MBD2: variants seen among roughly 807,000 people sequenced by gnomAD.
MBD2 encodes the protein methyl-CpG binding domain protein 2.
A neutral mutation model predicts 39.3 loss-of-function variants in MBD2; 9 were observed. That is an observed-to-expected ratio of 0.23 (90% CI 0.14 to 0.40). The LOEUF is 0.40. Among genes scored for constraint, MBD2 ranks in the 10% least tolerant of loss-of-function variants. The pLI, the probability that MBD2 is intolerant of heterozygous loss-of-function variation, is 1.00. For missense variants in MBD2, 458 were observed against 532.6 expected, an observed-to-expected ratio of 0.86 and a Z score of 1.38; for synonymous variants, 233 against 211.1, an observed-to-expected ratio of 1.10 and a Z score of -0.90.
chr18:54,181,545 G>C (rs2086251954), intron 3 of MBD2, among the ~76,000 whole-genome samples: 1 of 151,758 alleles, frequency 6.6e-6, no homozygotes, highest in African/African-American at 2.4e-5. Context: ...TGTCGCCCAG[G>C]CTGGAGTGCA....
At chr18:54,217,331 T>C (rs2086570098) in intron 1 of MBD2, among the ~76,000 whole-genome samples, 1 of 152,244 alleles carries the variant, frequency 6.6e-6, no homozygotes, top group African/African-American at 2.4e-5. Flanking sequence ...TTATTCAAAC[T>C]TCATTATATT....
intron 3 of MBD2, among the ~76,000 whole-genome samples, chr18:54,186,031 G>C (rs1419898596): frequency 1.3e-5 from 2 of 151,982 alleles, no homozygotes. Flanking sequence ...CCTGGGCATA[G>C]GATGTTGGTT....
At chr18:54,216,431 A>G (rs1201452558) in intron 1 of MBD2, among the ~76,000 whole-genome samples, 3 of 152,232 alleles carry the variant, frequency 2.0e-5, no homozygotes, top group Non-Finnish European at 4.4e-5. Context: ...GATTTATGAA[A>G]AACGTTCCAT....
chr18:54,222,307 G>T (rs771085771), intron 1 of MBD2: 2 of 493,532 alleles, frequency 4.1e-6, no homozygotes, highest in South Asian at 3.0e-5. Context: ...AATGACAGCT[G>T]CCACTGGCAC....
intron 2 of MBD2, among the ~76,000 whole-genome samples, chr18:54,197,276 C>T (rs1429669859): frequency 6.6e-6 from 1 of 152,190 alleles, no homozygotes; most frequent in Non-Finnish European, 1.5e-5. Flanking sequence ...CGTATTTCCC[C>T]CTATGTAAAA....
rs2144363120 is a variant in MBD2, at chr18:54,224,252, C to T, written c.308G>A (p.Gly103Asp). ...GRGRPPSGGSGLGGDGGGCGG... is the reference protein window; with the variant it reads ...GRGRPPSGGSDLGGDGGGCGG... Reference sequence around the variant, plus strand: ...GCAGCCGCCGCCGTCGCCGCCAAGGCCGCTGCCGCCACTCGGGGGACGGCC... The same window carrying T: ...GCAGCCGCCGCCGTCGCCGCCAAGGTCGCTGCCGCCACTCGGGGGACGGCC... Residue 103 changes from glycine to aspartate, a missense_variant, in exon 1 of 7, where the codon GGC becomes GAC. Gly to Asp is a moderately conservative substitution (Grantham distance 94). Transcript: ENST00000256429. 1.0e-6 allele frequency: 1 copy of T among 975,334 alleles called. No individual in the cohort carries two copies. The highest frequency in any genetic ancestry group is 1.1e-4 in the East Asian group (1 of 8,842). 60.4% of individuals were successfully genotyped at this position (975,334 alleles called of 1,614,324 possible).
At chr18:54,179,637 G>T (rs1196380204) in intron 3 of MBD2, among the ~76,000 whole-genome samples, 1 of 152,072 alleles carries the variant, frequency 6.6e-6, no homozygotes, top group African/African-American at 2.4e-5. Context: ...AACATTATTT[G>T]ATCACTTAAC....
chr18:54,195,920 A>G (rs1044294172), intron 2 of MBD2, among the ~76,000 whole-genome samples: 4 of 152,214 alleles, frequency 2.6e-5, no homozygotes, highest in Non-Finnish European at 4.4e-5. Flanking sequence ...TGATACCTTT[A>G]GGTCAAATCA....
chr18:54,180,897 C>CTTTTTTTTTTTTTTTTTTTTTTTTTTTTT (rs1211071727), intron 3 of MBD2, among the ~76,000 whole-genome samples: 12 of 105,350 alleles, frequency 1.1e-4, no homozygotes, highest in African/African-American at 3.5e-4. Flanking sequence ...TTAATTTTTT[C>CTTTTTTTTTTTTTTTTTTTTTTTTTTTTT]TTTTTCTTTT....
chr18:54,217,889 T>A (rs753449545), intron 1 of MBD2, among the ~76,000 whole-genome samples: 2 of 152,172 alleles, frequency 1.3e-5, no homozygotes, highest in Non-Finnish European at 2.9e-5. Context: ...CAGACAGCAA[T>A]GCTGCACCCT....
At position 54,224,478 on chromosome 18, in the gene MBD2, C is replaced by G. The variant is rs1374674020; in HGVS notation, c.82G>C (p.Gly28Arg). The G allele has an allele frequency of 1.6e-6, 2 of 1,232,256 alleles. No individual in the cohort carries two copies. Among genetic ancestry groups the G allele is most frequent in the East Asian group, 3.2e-5 (1 of 31,280 alleles). 76.3% of individuals were successfully genotyped at this position (1,232,256 alleles called of 1,614,324 possible). A position where few individuals can be genotyped will look rare whatever the true frequency, so the allele number is the denominator to read the frequency against. Residue 28 changes from glycine to arginine, a missense_variant, in exon 1 of 7, where the codon GGC becomes CGC. Physicochemically the swap from Gly to Arg is moderately radical, Grantham distance 125. This residue lies in a region of MBD2 where 269 missense variants were observed against 236.0 expected (regional missense o/e 1.14). Transcript: ENST00000256429. Reference sequence around the variant, plus strand: ...CCCCCCTGCTCTATGGCGGAGTCGCCGCCAGCGCCGCTGCCGCCCGCCGCA... The same window carrying G: ...CCCCCCTGCTCTATGGCGGAGTCGCGGCCAGCGCCGCTGCCGCCCGCCGCA... ...ESAAGGSGAG[G>R]DSAIEQGGQG...
rs1322093635 is a variant in MBD2 at position 54,215,489 on chromosome 18, A to ATT, written c.542+8527_542+8528dup. ...ATACAAAAGCAATTTCTGAGGATAG[A>ATT]TTTTTTTTTTTTTTTTTTTGAGATG... On this transcript the variant is annotated intron_variant, in intron 1 of 6. Coordinates refer to ENST00000256429, the MANE Select transcript of MBD2 (RefSeq NM_003927.5). Among the ~76,000 whole-genome samples, 629 of 139,264 alleles carry ATT rather than the reference A, an allele frequency of 4.5e-3. 11 individuals are homozygous for ATT. Among genetic ancestry groups the ATT allele is most frequent in the African/African-American group, 0.014 (531 of 36,970 alleles). 91.4% of individuals were successfully genotyped at this position (139,264 alleles called of 152,430 possible).
At chr18:54,190,369 G>A (rs1484677860) in intron 2 of MBD2, among the ~76,000 whole-genome samples, 1 of 152,132 alleles carries the variant, frequency 6.6e-6, no homozygotes, top group Non-Finnish European at 1.5e-5. Context: ...AGTGATAAGT[G>A]CACTTTAGGT....
intron 1 of MBD2, among the ~76,000 whole-genome samples, chr18:54,213,624 T>A (rs2086529693): frequency 6.6e-6 from 1 of 152,130 alleles, no homozygotes. Flanking sequence ...GTTATTTTGG[T>A]TGAATTGGGG....
intron 1 of MBD2, among the ~76,000 whole-genome samples, chr18:54,208,941 A>G (rs1308856202): frequency 1.3e-5 from 2 of 152,228 alleles, no homozygotes; most frequent in Non-Finnish European, 2.9e-5. Context: ...CATCTAGATT[A>G]GCAGTTCATC....
intron 2 of MBD2, among the ~76,000 whole-genome samples, chr18:54,199,712 C>T (rs369917784): frequency 6.6e-6 from 1 of 152,146 alleles, no homozygotes; most frequent in Non-Finnish European, 1.5e-5. Context: ...CAGGTACTTA[C>T]ATCTAATTTC....
chr18:54,164,300 G>A lies in MBD2; in HGVS notation c.1109+223C>T, dbSNP rs117287008. Among the ~76,000 whole-genome samples, 8 of 152,252 alleles carry A rather than the reference G, an allele frequency of 5.3e-5. No individual in the cohort carries two copies. In the East Asian group the frequency reaches 1.2e-3, roughly 22 times the overall value. On this transcript the variant is annotated intron_variant, in intron 5 of 6. Transcript: ENST00000256429. Reference sequence around the variant, plus strand: ...TCTGTCCTTTGGACAGGACCATGACGATACCCCTGGCATGCAGCATTTATA... The same window carrying A: ...TCTGTCCTTTGGACAGGACCATGACAATACCCCTGGCATGCAGCATTTATA...
intron 3 of MBD2, among the ~76,000 whole-genome samples, chr18:54,177,749 G>C (rs1260876404): frequency 7.1e-6 from 1 of 141,756 alleles, no homozygotes; most frequent in Non-Finnish European, 1.5e-5. Flanking sequence ...CAAGATGCTG[G>C]GATTACAGGC....
intron 6 of MBD2, among the ~76,000 whole-genome samples, chr18:54,158,892 C>T (rs548610505): frequency 9.9e-5 from 15 of 152,222 alleles, no homozygotes; most frequent in Admixed American, 3.3e-4. Context: ...CATGCCAAAG[C>T]GCTGAGATTA....
Sources: allele counts gnomAD v4.1 joint callset (sites outside exome capture counted in the v4.1 genomes callset), GRCh38; gene constraint gnomAD v4.1.1; regional missense constraint gnomAD v4.1.1; transcripts MANE v1.5; gene names NCBI Gene and HGNC (gene_info 2026-07-23, HGNC 2026-07-21).